KDM6A: variants seen among roughly 807,000 people sequenced by gnomAD.
KDM6A encodes the protein lysine demethylase 6A.
Under a neutral mutation model 117.6 loss-of-function variants are expected in KDM6A, and 11 were observed. The observed-to-expected ratio is 0.09, with a 90% CI of 0.06 to 0.15. KDM6A has a LOEUF of 0.15. KDM6A is among the 10% of genes least tolerant of loss of function. The pLI is 1.00. For synonymous variants in KDM6A, 384 were observed against 396.1 expected, an observed-to-expected ratio of 0.97 and a Z score of 0.36; for missense variants, 799 against 1,077.3, an observed-to-expected ratio of 0.74 and a Z score of 3.62.
At chrX:45,092,525 G>A (rs964370040) in intron 27 of KDM6A, among the ~76,000 whole-genome samples, 3 of 111,075 alleles carry the variant, frequency 2.7e-5, no homozygotes, top group Non-Finnish European at 5.7e-5. Flanking sequence ...AATATATTTA[G>A]GATTTCTGCA....
At chrX:44,895,474 T>A (rs56823117) in intron 2 of KDM6A, among the ~76,000 whole-genome samples, 6,997 of 98,938 alleles carry the variant, frequency 0.071, 708 homozygotes, top group African/African-American at 0.26. Context: ...TTTTTTTTTT[T>A]ATTCTGCTGT....
chrX:45,076,698 A>T lies in KDM6A; in HGVS notation c.2860A>T (p.Asn954Tyr). The stretch of plus-strand genomic sequence containing the variant: ...TTATCCCTTTTTTTTTTTTTCCAGG[A>T]ATCTAGGTAAAAATGGCTTATCTAA... ...SSAEVLKACR[N>Y]LGKNGLSNSS... is the part of the protein sequence containing the mutation. Residue 954 changes from asparagine to tyrosine, a missense_variant and splice_region_variant, in exon 19 of 30, where the codon AAT becomes TAT. By Grantham distance (143) the Asn-to-Tyr change is moderately radical (BLOSUM62 -2). This residue lies in a region of KDM6A where 291 missense variants were observed against 437.9 expected (regional missense o/e 0.66). Transcript: ENST00000611820. The T allele has an allele frequency of 8.8e-7, 1 of 1,138,155 alleles. No homozygotes were observed. Among genetic ancestry groups the T allele is most frequent in the Non-Finnish European group, 1.2e-6 (1 of 839,989 alleles). 93.8% of individuals were successfully genotyped at this position (1,138,155 alleles called of 1,213,427 possible). A position where few individuals can be genotyped will look rare whatever the true frequency, so the allele number is the denominator to read the frequency against.
chrX:45,105,671 C>G (rs1327534500), intron 27 of KDM6A, among the ~76,000 whole-genome samples: 3 of 112,107 alleles, frequency 2.7e-5, no homozygotes, highest in African/African-American at 9.7e-5. Context: ...GCTACCTTCC[C>G]TGGTGCCCTA....
chrX:45,087,258 G>A (rs770058959), intron 25 of KDM6A, among the ~76,000 whole-genome samples: 1 of 113,112 alleles, frequency 8.8e-6, no homozygotes, highest in South Asian at 3.6e-4. Flanking sequence ...CAAAGTGCTG[G>A]GATTACAGGC....
In KDM6A at chrX:45,063,735, C is replaced by T. The variant is rs751119417; in HGVS notation, c.1997C>T (p.Ala666Val). 1 of 1,207,844 alleles carries T rather than the reference C, an allele frequency of 8.3e-7. No individual in the cohort carries two copies. The change falls in exon 17 of 30, where the codon GCA (alanine) becomes GTA (valine). Residue 666 changes from alanine to valine, a missense_variant. Transcript: ENST00000611820. ...AACGTGCCTTACCTGCAGCGAAACG[C>T]ACTCACTCTACCTCATAACCGCACA... ...NGNVPYLQRNALTLPHNRTNL... is the reference protein window; with the variant it reads ...NGNVPYLQRNVLTLPHNRTNL...
At chrX:45,044,951 C>G (rs889270467) in intron 8 of KDM6A, among the ~76,000 whole-genome samples, 2 of 111,316 alleles carry the variant, frequency 1.8e-5, no homozygotes, top group Middle Eastern at 9.6e-3. Context: ...TGCTATAATA[C>G]TTATCTATAT....
intron 28 of KDM6A, among the ~76,000 whole-genome samples, chrX:45,107,997 T>C (rs747795467): frequency 3.4e-4 from 38 of 111,860 alleles, no homozygotes; most frequent in Non-Finnish European, 6.8e-4. Context: ...GCTTAAATTC[T>C]ACTTGGAGCA....
chrX:45,011,618 C>G (rs2041760285), intron 5 of KDM6A, among the ~76,000 whole-genome samples: 1 of 111,337 alleles, frequency 9.0e-6, no homozygotes, highest in Admixed American at 9.5e-5. Context: ...TGTTGTTTTT[C>G]TGTTTACCAG....
rs1394078652 is a variant in KDM6A, at chrX:45,112,480, A to AAAGT, written c.*1071_*1074dup. On this transcript the variant is annotated 3_prime_UTR_variant, in exon 30 of 30. Transcript: ENST00000611820. ...GTCTACTGTAAAGTATTGCTTACAA[A>AAAGT]AAGTATGATTATTTTTAAAGAAATA... The AAAGT allele has an allele frequency of 7.2e-6, 1 of 139,084 alleles. No homozygotes were observed. The highest frequency in any genetic ancestry group is 1.4e-5 in the Non-Finnish European group (1 of 69,567). The allele number at this position is 139,084 out of a possible 1,213,427, so 11.5% of individuals were successfully genotyped here.
At chrX:44,990,000 T>A (rs940585595) in intron 4 of KDM6A, among the ~76,000 whole-genome samples, 1 of 111,887 alleles carries the variant, frequency 8.9e-6, no homozygotes, top group African/African-American at 3.3e-5. Context: ...AGGATTTGGC[T>A]GGCAATAGTT....
At chrX:45,024,726 A>G (rs1252183243) in intron 6 of KDM6A, among the ~76,000 whole-genome samples, 1 of 111,348 alleles carries the variant, frequency 9.0e-6, no homozygotes, top group African/African-American at 3.3e-5. Flanking sequence ...TAATGTCTAG[A>G]AGAGTTTTTC....
intron 2 of KDM6A, among the ~76,000 whole-genome samples, chrX:44,937,445 T>A (rs1355481628): frequency 8.9e-6 from 1 of 111,905 alleles, no homozygotes; most frequent in Non-Finnish European, 1.9e-5. Flanking sequence ...AGTCACATTT[T>A]GGTAATTCTC....
intron 18 of KDM6A, 40 bp downstream of exon 18, chrX:45,070,397 T>A (rs763286291): frequency 2.0e-5 from 23 of 1,137,462 alleles, no homozygotes; most frequent in Middle Eastern, 3.0e-4. Flanking sequence ...AATGTTTGAC[T>A]TACTGGCATG....
intron 6 of KDM6A, among the ~76,000 whole-genome samples, chrX:45,028,285 C>T (rs994626876): frequency 1.8e-5 from 2 of 112,253 alleles, no homozygotes; most frequent in African/African-American, 6.5e-5. Flanking sequence ...TTTGGATAAA[C>T]CACCAGGCAG....
chrX:45,095,305 G>A (rs1410011776), intron 27 of KDM6A, among the ~76,000 whole-genome samples: 1 of 110,772 alleles, frequency 9.0e-6, no homozygotes, highest in African/African-American at 3.3e-5. Context: ...TCATTTGGGG[G>A]CAAGTTTGGG....
chrX:45,044,892 CT>C (rs2043457068), intron 8 of KDM6A, among the ~76,000 whole-genome samples: 1 of 111,271 alleles, frequency 9.0e-6, no homozygotes, highest in South Asian at 3.7e-4. Context: ...TACCAAAACA[CT>C]ATAGACTTGT....
rs745656567 is a variant in KDM6A, at chrX:44,993,672, C to T, written c.385-17289C>T. ...CACGAGGTCAAGAGATCGAGACCAT[C>T]CTGGCCAACATGGTGAAACCCCGTC... On this transcript the variant is annotated intron_variant, in intron 4 of 29. Transcript: ENST00000611820. 3.8e-3 allele frequency among the ~76,000 whole-genome samples: 419 copies of T among 111,489 alleles called. 2 individuals are homozygous for T. The highest frequency in any genetic ancestry group is 0.013 in the African/African-American group (400 of 30,689).
intron 17 of KDM6A, among the ~76,000 whole-genome samples, chrX:45,067,667 T>TTTTTC (rs1556322067): frequency 9.9e-6 from 1 of 100,817 alleles, no homozygotes; most frequent in African/African-American, 4.0e-5. Context: ...TTTTTTTTTT[T>TTTTTC]TTTGAGATGG....
At chrX:45,067,458 A>G (rs1438085649) in intron 17 of KDM6A, among the ~76,000 whole-genome samples, 2 of 111,109 alleles carry the variant, frequency 1.8e-5, no homozygotes, top group Non-Finnish European at 3.8e-5. Context: ...ATTTTAACTC[A>G]CCTACCCAGA....
Sources: allele counts gnomAD v4.1 joint callset (sites outside exome capture counted in the v4.1 genomes callset), GRCh38; gene constraint gnomAD v4.1.1; regional missense constraint gnomAD v4.1.1; transcripts MANE v1.5; gene names NCBI Gene and HGNC (gene_info 2026-07-23, HGNC 2026-07-21).